The following BAP1 variants were observed in gnomAD, a reference collection of about 807,000 sequenced individuals.
BAP1 encodes the protein ubiquitin carboxyl-terminal hydrolase BAP1.
In BAP1, 16 loss-of-function variants were observed where a neutral mutation model predicts 77.2. The observed-to-expected ratio is 0.21, with a 90% confidence interval of 0.14 to 0.31. The LOEUF (loss-of-function observed/expected upper bound fraction) is 0.31. Ranked by LOEUF, BAP1 falls within the 10% of genes least tolerant of loss-of-function variation. The pLI, the probability that BAP1 is intolerant of heterozygous loss-of-function variation, is 1.00. For synonymous variants in BAP1, 362 were observed against 385.2 expected, an observed-to-expected ratio of 0.94 and a Z score of 0.71; for missense variants, 699 against 967.3, an observed-to-expected ratio of 0.72 and a Z score of 3.68.
In BAP1 at chr3:52,410,001, C is replaced by T. The variant is rs1480606923; in HGVS notation, c.-123G>A. ...CACACACAGACAACGGGCCCAGTCGCGTCACCCGCCCGCGCCGGCGGCAGA... is the reference window on the plus strand; with the variant it reads ...CACACACAGACAACGGGCCCAGTCGTGTCACCCGCCCGCGCCGGCGGCAGA... On this transcript the variant is annotated 5_prime_UTR_variant, in exon 1 of 17. Coordinates refer to ENST00000460680, the MANE Select transcript of BAP1 (RefSeq NM_004656.4). The T allele has an allele frequency of 4.3e-6, 6 of 1,410,538 alleles. No homozygotes were observed. The highest frequency in any genetic ancestry group is 9.6e-7 in the Non-Finnish European group (1 of 1,043,970). The allele number at this position is 1,410,538 out of a possible 1,614,324, so 87.4% of individuals were successfully genotyped here.
chr3:52,403,178 C>T lies in BAP1; in HGVS notation c.1850G>A (p.Arg617Lys), dbSNP rs751746876. 6.2e-7 allele frequency: 1 copy of T among 1,614,148 alleles called. No homozygotes were observed. Among genetic ancestry groups the T allele is most frequent in the East Asian group, 2.2e-5 (1 of 44,888 alleles). ...CTCCCCACTCAAGGGCTCGCCAGGC[C>T]TCACCATCCCCGTCTTCTCTCTGCT... ...TDSREKTGMV[R>K]PGEPLSGEKY... The change falls in exon 14 of 17, where the codon AGG becomes AAG. Residue 617 changes from arginine to lysine, a missense_variant. By Grantham distance (26) the Arg-to-Lys change is conservative (BLOSUM62 2). Around this residue, in one of 3 missense-constraint regions of BAP1, gnomAD observed 475 missense variants for 532.4 expected, o/e 0.89. Transcript: ENST00000460680. The surrounding 1 kb of genome is among the most constrained non-coding windows in gnomAD (Gnocchi z 4.0).
chr3:52,409,767 G>A (rs766624546), intron 1 of BAP1, 24 bp from the exon 2 acceptor site: 2 of 1,613,662 alleles, frequency 1.2e-6, no homozygotes, highest in Non-Finnish European at 1.7e-6. Context: ...CAAGAGGAGG[G>A]GGTGATGGTC....
Position 52,402,394 on chromosome 3 carries a change from T to C in BAP1, c.2084A>G (p.Asn695Ser). 6.4e-7 allele frequency: 1 copy of C among 1,569,424 alleles called. No homozygotes were observed. Among genetic ancestry groups the C allele is most frequent in the Non-Finnish European group, 8.6e-7 (1 of 1,158,368 alleles). Residue 695 changes from asparagine to serine, a missense_variant, in exon 17 of 17, where the codon AAC becomes AGC. Asn to Ser is a conservative substitution (Grantham distance 46). This residue lies in a region of BAP1 where 64 missense variants were observed against 112.1 expected (regional missense o/e 0.57). Coordinates refer to ENST00000460680, the MANE Select transcript of BAP1 (RefSeq NM_004656.4). This position sits in a 1 kb window ranked among gnomAD's most constrained non-coding sequence, Gnocchi z 5.3. ...CCCTTGGCGCCGCCGCACGGAGATG[T>C]TCTGCTCCACTAGGTTGGCCAGCAT... The part of the protein sequence containing the change: ...EGMLANLVEQ[N>S]ISVRRRQGVS...
In BAP1 at chr3:52,407,329, A is replaced by C. The variant is rs1306592287; in HGVS notation, c.438-13T>G. ...GCGTGGCTCGGGCCTGGGGAAAAAC[A>C]GAGTCAGGGCCCAAAAAATGATACT... is the stretch of plus-strand genomic sequence containing the variant. On this transcript the variant is annotated splice_polypyrimidine_tract_variant and intron_variant, in intron 6 of 16. Coordinates refer to ENST00000460680, the MANE Select transcript of BAP1 (RefSeq NM_004656.4). 1 of 1,614,044 alleles carries C rather than the reference A, an allele frequency of 6.2e-7. No individual in the cohort carries two copies. The highest frequency in any genetic ancestry group is 1.7e-5 in the Admixed American group (1 of 60,000).
intron 11 of BAP1, among the ~76,000 whole-genome samples, chr3:52,404,890 C>T (rs907037734): frequency 2.6e-5 from 4 of 152,234 alleles, no homozygotes; most frequent in Non-Finnish European, 5.9e-5. Flanking sequence ...CCCACAGCCA[C>T]GTAACTAGAT....
chr3:52,401,927 C>T lies in BAP1; in HGVS notation c.*361G>A, dbSNP rs1157656371. 3.6e-5 allele frequency: 15 copies of T among 420,636 alleles called. No homozygotes were observed. Among genetic ancestry groups the T allele is most frequent in the Non-Finnish European group, 4.8e-5 (11 of 228,186 alleles). The allele number at this position is 420,636 out of a possible 1,614,324, so 26.1% of individuals were successfully genotyped here. On this transcript the variant is annotated 3_prime_UTR_variant, in exon 17 of 17. Coordinates refer to ENST00000460680, the MANE Select transcript of BAP1 (RefSeq NM_004656.4). ...ATAGTCAGGTAGGAACTTATGTCAA[C>T]ATGGTGGCATGTTGGGTTGGAGCCC...
chr3:52,407,005 G>A, intron 7 of BAP1, 98 bp from the exon 8 acceptor site: 1 of 1,491,882 alleles, frequency 6.7e-7, no homozygotes, highest in Non-Finnish European at 9.2e-7. Flanking sequence ...TTGAGCCAGG[G>A]AATCAGGAGC....
At chr3:52,405,369 T>C (rs1705117865) in intron 10 of BAP1, 75 bp from the exon 11 acceptor site, 1 of 1,586,564 alleles carries the variant, frequency 6.3e-7, no homozygotes, top group Admixed American at 1.7e-5. Flanking sequence ...CCCGGCCCTG[T>C]GAACCAGCAC....
Position 52,406,771 on chromosome 3 carries a change from C to A in BAP1, c.659+58G>T, listed in dbSNP as rs2153227587. 2.0e-6 allele frequency: 3 copies of A among 1,510,934 alleles called. No individual in the cohort carries two copies. The highest frequency in any genetic ancestry group is 2.7e-6 in the Non-Finnish European group (3 of 1,109,992). The allele number at this position is 1,510,934 out of a possible 1,614,324, so 93.6% of individuals were successfully genotyped here. ...TACAAATCACCTGGATACTCTCTGT[C>A]CCTCCCAAAGTAGGTACAGCTCCAG... On this transcript the variant is annotated intron_variant, in intron 8 of 16. Coordinates refer to ENST00000460680, the MANE Select transcript of BAP1 (RefSeq NM_004656.4). This position sits in a 1 kb window ranked among gnomAD's most constrained non-coding sequence, Gnocchi z 4.6.
In BAP1 at chr3:52,406,744, T is replaced by C; in HGVS notation, c.659+85A>G. 1.4e-6 allele frequency: 2 copies of C among 1,445,082 alleles called. No homozygotes were observed. Among genetic ancestry groups the C allele is most frequent in the Non-Finnish European group, 1.9e-6 (2 of 1,051,418 alleles). 89.5% of individuals were successfully genotyped at this position (1,445,082 alleles called of 1,614,324 possible). A position where few individuals can be genotyped will look rare whatever the true frequency, so the allele number is the denominator to read the frequency against. ...CCAGATTCACCATATGGCCTTGCAA[T>C]TTACAAATCACCTGGATACTCTCTG... On this transcript the variant is annotated intron_variant, in intron 8 of 16. Coordinates refer to ENST00000460680, the MANE Select transcript of BAP1 (RefSeq NM_004656.4). This position sits in a 1 kb window ranked among gnomAD's most constrained non-coding sequence, Gnocchi z 4.6.
chr3:52,407,682 CA>C (rs767989638), intron 5 of BAP1, among the ~76,000 whole-genome samples: 7 of 152,172 alleles, frequency 4.6e-5, no homozygotes, highest in Non-Finnish European at 1.0e-4. Context: ...TAGGAAGCAA[CA>C]TGGCCTGAGA....
Position 52,404,547 on chromosome 3 carries a change from C to T in BAP1, c.1156G>A (p.Val386Ile), listed in dbSNP as rs372213315. The T allele has an allele frequency of 1.9e-6, 3 of 1,613,810 alleles. No individual in the cohort carries two copies. Among genetic ancestry groups the T allele is most frequent in the African/African-American group, 2.7e-5 (2 of 74,926 alleles). ...TACTGCTGGGGTGGGCGGACTGGAA[C>T]TCGGCTGCGGCCCACACCTGCCGCC... ...DLAAGVGRSR[V>I]PVRPPQQYSD... The change falls in exon 12 of 17, where the codon GTT becomes ATT. Residue 386 changes from valine (V) to isoleucine (I), a missense_variant. By Grantham distance (29) the Val-to-Ile change is conservative (BLOSUM62 3). This residue lies in a region of BAP1 where 475 missense variants were observed against 532.4 expected (regional missense o/e 0.89). Transcript: ENST00000460680.
In BAP1 at chr3:52,403,958, A is replaced by T; in HGVS notation, c.1251-64T>A. 6.4e-7 allele frequency: 1 copy of T among 1,559,072 alleles called. No individual in the cohort carries two copies. The highest frequency in any genetic ancestry group is 8.8e-7 in the Non-Finnish European group (1 of 1,134,760). ...CAGGTGACCATACCCAGCAGTACCC[A>T]GAATGGCTTAAATACATCCCGACCT... On this transcript the variant is annotated intron_variant, in intron 12 of 16. Coordinates refer to ENST00000460680, the MANE Select transcript of BAP1 (RefSeq NM_004656.4). The surrounding 1 kb of genome is among the most constrained non-coding windows in gnomAD (Gnocchi z 4.0).
Position 52,402,251 on chromosome 3 carries a change from C to A in BAP1, c.*37G>T, listed in dbSNP as rs139307137. 3.1e-6 allele frequency: 5 copies of A among 1,594,030 alleles called. No homozygotes were observed. The African/African-American group carries it at 4.0e-5, about 13-fold the overall frequency. ...GGGAAGGACCCTGGTGAGGGCCACA[C>A]GGCAAGAGTGGGCTGCAGAGTCAGG... is the stretch of plus-strand genomic sequence containing the variant. On this transcript the variant is annotated 3_prime_UTR_variant, in exon 17 of 17. Coordinates refer to ENST00000460680, the MANE Select transcript of BAP1 (RefSeq NM_004656.4). The surrounding 1 kb of genome is among the most constrained non-coding windows in gnomAD (Gnocchi z 5.3).
At position 52,402,947 on chromosome 3, in the gene BAP1, G is replaced by A. The variant is rs747218187; in HGVS notation, c.1891-76C>T. The stretch of plus-strand genomic sequence containing the variant: ...CCCCACGAGCAATAGGCAGCTAGAG[G>A]CAAGGATGAGCAGCGAGTCCATGCC... On this transcript the variant is annotated intron_variant, in intron 14 of 16. Coordinates refer to ENST00000460680, the MANE Select transcript of BAP1 (RefSeq NM_004656.4). This position sits in a 1 kb window ranked among gnomAD's most constrained non-coding sequence, Gnocchi z 5.3. 1.1e-5 allele frequency: 18 copies of A among 1,609,090 alleles called. No homozygotes were observed. In the South Asian group the frequency reaches 1.5e-4, roughly 14 times the overall value.
chr3:52,401,973 T>G lies in BAP1; in HGVS notation c.*315A>C. ...AGCCCAGAAAAATAGATGTCTCTGATAGGTAAAATATATATTCTGCTGCCC... is the reference window on the plus strand; with the variant it reads ...AGCCCAGAAAAATAGATGTCTCTGAGAGGTAAAATATATATTCTGCTGCCC... On this transcript the variant is annotated 3_prime_UTR_variant, in exon 17 of 17. Coordinates refer to ENST00000460680, the MANE Select transcript of BAP1 (RefSeq NM_004656.4). 1 of 488,238 alleles carries G rather than the reference T, an allele frequency of 2.0e-6. No individual in the cohort carries two copies. The highest frequency in any genetic ancestry group is 3.7e-6 in the Non-Finnish European group (1 of 270,272). 30.2% of individuals were successfully genotyped at this position (488,238 alleles called of 1,614,324 possible). A position where few individuals can be genotyped will look rare whatever the true frequency, so the allele number is the denominator to read the frequency against.
intron 7 of BAP1, 43 bp downstream of exon 7, chr3:52,407,131 G>A (rs1208021864): frequency 5.6e-6 from 9 of 1,612,152 alleles, no homozygotes; most frequent in African/African-American, 4.0e-5. Flanking sequence ...TCCCTAGGAG[G>A]TAGGCAGAGA....
Position 52,404,446 on chromosome 3 carries a change from G to A in BAP1, c.1250+7C>T. The A allele has an allele frequency of 6.2e-7, 1 of 1,614,218 alleles. No homozygotes were observed. Among genetic ancestry groups the A allele is most frequent in the Non-Finnish European group, 8.5e-7 (1 of 1,180,040 alleles). ...AGAACCTGGTAGCCTTAGAAAGCTG[G>A]GCTGACCTAAGGGCAGAGTTGGTGT... is the stretch of plus-strand genomic sequence containing the variant. On this transcript the variant is annotated splice_region_variant and intron_variant, in intron 12 of 16. Coordinates refer to ENST00000460680, the MANE Select transcript of BAP1 (RefSeq NM_004656.4).
rs1416121189 is a variant in BAP1 at position 52,409,901 on chromosome 3, G to A, written c.-23C>T. 2.5e-6 allele frequency: 4 copies of A among 1,603,758 alleles called. No homozygotes were observed. Among genetic ancestry groups the A allele is most frequent in the South Asian group, 1.1e-5 (1 of 91,012 alleles). On this transcript the variant is annotated 5_prime_UTR_variant, in exon 1 of 17. Coordinates refer to ENST00000460680, the MANE Select transcript of BAP1 (RefSeq NM_004656.4). Reference sequence around the variant, plus strand: ...CATCTTCCCGCGGGGCGGCCCCTCAGCGCCATGTCCAGGCCCTCCCTCCCC... The same window carrying A: ...CATCTTCCCGCGGGGCGGCCCCTCAACGCCATGTCCAGGCCCTCCCTCCCC...
Sources: allele counts gnomAD v4.1 joint callset (sites outside exome capture counted in the v4.1 genomes callset), GRCh38; gene constraint gnomAD v4.1.1; regional missense constraint gnomAD v4.1.1; non-coding constraint Gnocchi (gnomAD v3.1); transcripts MANE v1.5; gene names NCBI Gene and HGNC (gene_info 2026-07-23, HGNC 2026-07-21).